The following GALNTL6 variants were observed in gnomAD, a reference collection of about 807,000 sequenced individuals.
GALNTL6 encodes the protein polypeptide N-acetylgalactosaminyltransferase-like 6.
GALNTL6 carries 46 observed loss-of-function variants against 73.7 expected under a neutral mutation model. The observed-to-expected ratio is 0.62, with a 90% CI of 0.49 to 0.80. The LOEUF (loss-of-function observed/expected upper bound fraction) is 0.80. Among genes scored for constraint, GALNTL6 ranks in the 30% least tolerant of loss-of-function variants. GALNTL6 has a pLI of 0.00. For missense variants in GALNTL6, 604 were observed against 755.0 expected, an observed-to-expected ratio of 0.80 and a Z score of 2.34; for synonymous variants, 259 against 263.7, an observed-to-expected ratio of 0.98 and a Z score of 0.17.
chr4:172,641,108 A>G (rs988756435), intron 5 of GALNTL6, among the ~76,000 whole-genome samples: 1 of 152,090 alleles, frequency 6.6e-6, no homozygotes, highest in African/African-American at 2.4e-5. Flanking sequence ...AAATATATTT[A>G]AAATCTGATC....
At chr4:172,463,550 A>G (rs1732691701) in intron 5 of GALNTL6, among the ~76,000 whole-genome samples, 2 of 152,206 alleles carry the variant, frequency 1.3e-5, no homozygotes, top group Non-Finnish European at 2.9e-5. Context: ...GCTCTATGCC[A>G]TGCACTGTAC....
chr4:171,992,410 C>T (rs976982685), intron 2 of GALNTL6, among the ~76,000 whole-genome samples: 2 of 151,954 alleles, frequency 1.3e-5, no homozygotes, highest in Non-Finnish European at 2.9e-5. Context: ...ATGAAAGTCA[C>T]TTTTCTCTGA....
At chr4:172,063,454 A>G (rs745833618) in intron 2 of GALNTL6, among the ~76,000 whole-genome samples, 1 of 150,098 alleles carries the variant, frequency 6.7e-6, no homozygotes, top group East Asian at 1.9e-4. Flanking sequence ...AGTTTTTTCT[A>G]TAACTACTTT....
chr4:172,552,817 T>C (rs1736002447), intron 5 of GALNTL6, among the ~76,000 whole-genome samples: 1 of 80,688 alleles, frequency 1.2e-5, no homozygotes, highest in Admixed American at 1.8e-4. Context: ...TATATTAGGC[T>C]GGTGCAAAAG....
chr4:172,272,262 C>T (rs1399800675), intron 3 of GALNTL6, among the ~76,000 whole-genome samples: 1 of 152,074 alleles, frequency 6.6e-6, no homozygotes, highest in Non-Finnish European at 1.5e-5. Flanking sequence ...GCCCCATGGC[C>T]ATCATAGTTT....
intron 2 of GALNTL6, among the ~76,000 whole-genome samples, chr4:172,154,727 T>C (rs1188982770): frequency 2.0e-5 from 3 of 152,178 alleles, no homozygotes; most frequent in Non-Finnish European, 2.9e-5. Context: ...AGACTGCAAG[T>C]ACCATTCTCC....
chr4:172,279,593 T>A (rs980742412), intron 3 of GALNTL6, among the ~76,000 whole-genome samples: 1 of 152,126 alleles, frequency 6.6e-6, no homozygotes, highest in East Asian at 1.9e-4. Flanking sequence ...TGAAGATATA[T>A]TGGATTTTTG....
At chr4:172,513,778 A>T (rs1037207697) in intron 5 of GALNTL6, among the ~76,000 whole-genome samples, 1 of 152,194 alleles carries the variant, frequency 6.6e-6, no homozygotes, top group African/African-American at 2.4e-5. Context: ...CGGGTCTCTC[A>T]GCTGTGGATA....
At chr4:172,197,572 T>TA (rs1207972001) in intron 2 of GALNTL6, among the ~76,000 whole-genome samples, 1 of 152,204 alleles carries the variant, frequency 6.6e-6, no homozygotes, top group African/African-American at 2.4e-5. Context: ...AACAGCATGG[T>TA]ACTGGTACAA....
At chr4:172,976,311 A>C (rs1423421250) in intron 10 of GALNTL6, among the ~76,000 whole-genome samples, 1 of 152,252 alleles carries the variant, frequency 6.6e-6, no homozygotes, top group Non-Finnish European at 1.5e-5. Flanking sequence ...TATTTAGAAG[A>C]AGTTAAGTAG....
At chr4:172,066,012 C>A (rs920345946) in intron 2 of GALNTL6, among the ~76,000 whole-genome samples, 5 of 152,156 alleles carry the variant, frequency 3.3e-5, no homozygotes, top group Admixed American at 2.0e-4. Context: ...GACACAGAGC[C>A]AAACAACACC....
intron 2 of GALNTL6, among the ~76,000 whole-genome samples, chr4:172,221,402 A>G (rs1352940309): frequency 1.3e-5 from 2 of 151,792 alleles, no homozygotes; most frequent in African/African-American, 2.4e-5. Flanking sequence ...CCCAGGCTCA[A>G]TGACCCCAGA....
intron 5 of GALNTL6, among the ~76,000 whole-genome samples, chr4:172,572,646 G>A (rs769472118): frequency 5.9e-5 from 9 of 152,016 alleles, no homozygotes; most frequent in South Asian, 2.1e-4. Context: ...AGTTCCAACC[G>A]TCTCAAACCA....
At chr4:172,233,842 G>C (rs1158651107) in intron 3 of GALNTL6, among the ~76,000 whole-genome samples, 1 of 151,884 alleles carries the variant, frequency 6.6e-6, no homozygotes, top group Non-Finnish European at 1.5e-5. Flanking sequence ...ATTGTATTTA[G>C]CCTATGGATA....
chr4:172,970,823 T>C (rs963152002), intron 10 of GALNTL6, among the ~76,000 whole-genome samples: 1 of 152,224 alleles, frequency 6.6e-6, no homozygotes, highest in Non-Finnish European at 1.5e-5. Flanking sequence ...TAAATCTCCA[T>C]GAAGTCGTCA....
intron 5 of GALNTL6, among the ~76,000 whole-genome samples, chr4:172,569,617 T>A (rs1347367106): frequency 6.6e-6 from 1 of 152,124 alleles, no homozygotes; most frequent in South Asian, 2.1e-4. Context: ...TAGGCCTCAA[T>A]TACTTTTTAT....
intron 5 of GALNTL6, among the ~76,000 whole-genome samples, chr4:172,503,491 CTATA>C (rs1168335018): frequency 7.5e-6 from 1 of 133,006 alleles, no homozygotes; most frequent in African/African-American, 3.0e-5. Context: ...AGTGCTTAAA[CTATA>C]TATATCTAGT....
intron 5 of GALNTL6, among the ~76,000 whole-genome samples, chr4:172,711,540 G>T (rs1488805742): frequency 1.3e-5 from 2 of 152,148 alleles, no homozygotes; most frequent in Non-Finnish European, 2.9e-5. Context: ...TTGAATGTGT[G>T]CCGGGTGAAC....
rs1231010206 is a variant in GALNTL6, at chr4:173,040,938, G to A, written c.*838G>A. On this transcript the variant is annotated 3_prime_UTR_variant, in exon 13 of 13. Coordinates refer to ENST00000506823, the MANE Select transcript of GALNTL6 (RefSeq NM_001034845.3). Reference sequence around the variant, plus strand: ...TAAGATTTAGGAGAGGGACTTCCCTGGGAAATCTATTTTTACTTTTCTATT... The same window carrying A: ...TAAGATTTAGGAGAGGGACTTCCCTAGGAAATCTATTTTTACTTTTCTATT... 1 of 152,350 alleles carries A rather than the reference G, an allele frequency of 6.6e-6. No individual in the cohort carries two copies. The highest frequency in any genetic ancestry group is 1.5e-5 in the Non-Finnish European group (1 of 68,010). 9.4% of individuals were successfully genotyped at this position (152,350 alleles called of 1,614,324 possible). A position where few individuals can be genotyped will look rare whatever the true frequency, so the allele number is the denominator to read the frequency against.
Sources: gnomAD v4.1 joint callset for allele counts (sites outside exome capture counted in the v4.1 genomes callset) on GRCh38, gnomAD v4.1.1 for gene constraint, MANE v1.5 for transcripts, NCBI Gene and HGNC (gene_info 2026-07-23, HGNC 2026-07-21) for gene names.